The following ZSCAN5A variants were observed in gnomAD, a reference collection of about 807,000 sequenced individuals.
The protein encoded by ZSCAN5A is zinc finger and SCAN domain-containing protein 5A.
A neutral mutation model predicts 23.7 loss-of-function variants in ZSCAN5A; 12 were observed. The observed-to-expected ratio is 0.51, with a 90% CI of 0.32 to 0.82. The LOEUF (loss-of-function observed/expected upper bound fraction) is 0.82, where lower values mean the gene tolerates loss of function less well. ZSCAN5A is among the 40% of genes least tolerant of loss of function. The probability of loss-of-function intolerance (pLI) is 0.03; values close to 1 mark genes in which losing one functional copy is unlikely to be tolerated. For missense variants in ZSCAN5A, 597 were observed against 617.9 expected (o/e 0.97, Z 0.36); for synonymous variants, 257 against 239.9 (o/e 1.07, Z -0.66).
At chr19:56,328,991 TC>T (rs1377233681) in intron 2 of ZSCAN5A, among the ~76,000 whole-genome samples, 1 of 130,078 alleles carries the variant, frequency 7.7e-6, no homozygotes, top group East Asian at 2.1e-4. Flanking sequence ...CGAGACTCCG[TC>T]TCAAAAAAAA....
chr19:56,284,872 T>C (rs1007047010), intron 2 of ZSCAN5A: 1 of 263,918 alleles, frequency 3.8e-6, no homozygotes, highest in Admixed American at 6.5e-5. Context: ...GCATCATGAC[T>C]GAGGCATTAT....
chr19:56,256,091 A>G (rs1212390313), intron 2 of ZSCAN5A, among the ~76,000 whole-genome samples: 1 of 152,236 alleles, frequency 6.6e-6, no homozygotes, highest in Non-Finnish European at 1.5e-5. Flanking sequence ...ATAAAAAGAA[A>G]GAACAGTCAG....
At chr19:56,321,001 G>A (rs1351544005) in intron 2 of ZSCAN5A, 2 of 708,356 alleles carry the variant, frequency 2.8e-6, no homozygotes, top group East Asian at 5.3e-5. Context: ...CCGGTAAGTT[G>A]TCCACTTTCC....
chr19:56,231,139 G>A (rs2146488417), intron 2 of ZSCAN5A, among the ~76,000 whole-genome samples: 1 of 152,304 alleles, frequency 6.6e-6, no homozygotes, highest in Admixed American at 6.5e-5. Flanking sequence ...CTTGAGCCTG[G>A]GAGGTCAAGG....
intron 2 of ZSCAN5A, among the ~76,000 whole-genome samples, chr19:56,276,538 ATTTAT>A (rs2038278646): frequency 8.7e-6 from 1 of 115,200 alleles, no homozygotes; most frequent in South Asian, 2.7e-4. Flanking sequence ...GGTTATTTTT[ATTTAT>A]TTATTTATTT....
At chr19:56,340,744 G>A (rs372495407) in intron 2 of ZSCAN5A, 31 of 152,312 alleles carry the variant, frequency 2.0e-4, no homozygotes, top group African/African-American at 7.2e-4. Flanking sequence ...GAGATATACT[G>A]GAACTGAAGC....
intron 1 of ZSCAN5A, chr19:56,363,499 G>A (rs771919766): frequency 1.3e-5 from 2 of 152,174 alleles, no homozygotes; most frequent in African/African-American, 2.4e-5. Context: ...GAGTTTGGAG[G>A]GCTCAGAAGA....
chr19:56,239,537 A>G (rs1309020206), intron 2 of ZSCAN5A, among the ~76,000 whole-genome samples: 1 of 152,218 alleles, frequency 6.6e-6, no homozygotes, highest in African/African-American at 2.4e-5. Flanking sequence ...GAGTGAGTGC[A>G]GAGTGGGGAC....
At chr19:56,308,949 G>A (rs2040867036) in intron 2 of ZSCAN5A, among the ~76,000 whole-genome samples, 1 of 152,202 alleles carries the variant, frequency 6.6e-6, no homozygotes, top group South Asian at 2.1e-4. Flanking sequence ...AACTTTCTCT[G>A]TGAAGGGCCA....
chr19:56,324,656 A>C (rs1253828853), intron 2 of ZSCAN5A, among the ~76,000 whole-genome samples: 1 of 151,880 alleles, frequency 6.6e-6, no homozygotes, highest in Non-Finnish European at 1.5e-5. Flanking sequence ...AAAAAAAAAA[A>C]AAAGGAAGTT....
At chr19:56,316,434 G>A (rs765444311), upstream of ZSCAN5A, 1 of 152,300 alleles carries the variant, frequency 6.6e-6, no homozygotes, top group Non-Finnish European at 1.5e-5. Context: ...TGTAATTTTT[G>A]CCATTGTAGT....
chr19:56,252,832 A>T (rs1263749775), intron 2 of ZSCAN5A, among the ~76,000 whole-genome samples: 1 of 152,180 alleles, frequency 6.6e-6, no homozygotes, highest in African/African-American at 2.4e-5. Flanking sequence ...TGGCTGGAGT[A>T]TGGAGAGGCC....
intron 3 of ZSCAN5A, 127 bp downstream of exon 3, chr19:56,224,536 G>A (rs1450832029): frequency 8.4e-7 from 1 of 1,191,954 alleles, no homozygotes; most frequent in Non-Finnish European, 1.2e-6. Context: ...GTCCCCGACG[G>A]GCAAACTCTC....
chr19:56,346,988 A>G (rs1600297432), intron 2 of ZSCAN5A: 1 of 152,314 alleles, frequency 6.6e-6, no homozygotes, highest in Admixed American at 6.5e-5. Context: ...CGGCCTATCA[A>G]AGTGCTGGGA....
chr19:56,298,902 C>G (rs1234112649), intron 2 of ZSCAN5A, among the ~76,000 whole-genome samples: 1 of 152,128 alleles, frequency 6.6e-6, no homozygotes, highest in Admixed American at 6.5e-5. Context: ...AAATTTCAGG[C>G]CAATCTTCCT....
intron 2 of ZSCAN5A, among the ~76,000 whole-genome samples, chr19:56,354,921 T>G (rs1296361204): frequency 3.3e-5 from 5 of 152,236 alleles, no homozygotes; most frequent in African/African-American, 1.2e-4. Flanking sequence ...AGACAATGTT[T>G]CTGGTATTTC....
chr19:56,367,974 C>T (rs969630039), intron 1 of ZSCAN5A: 22 of 152,312 alleles, frequency 1.4e-4, no homozygotes, highest in Admixed American at 1.4e-3. Context: ...TATCATAGGC[C>T]CTTCCCCCCC....
chr19:56,257,117 C>G (rs772645376), intron 2 of ZSCAN5A, among the ~76,000 whole-genome samples: 2 of 152,152 alleles, frequency 1.3e-5, no homozygotes, highest in Admixed American at 6.5e-5. Flanking sequence ...CCTCAAAAGA[C>G]AGAGTGTGGA....
At chr19:56,275,482 G>A (rs1360348405) in intron 2 of ZSCAN5A, among the ~76,000 whole-genome samples, 4 of 152,196 alleles carry the variant, frequency 2.6e-5, no homozygotes, top group African/African-American at 9.7e-5. Context: ...TTTAATCCCA[G>A]CACTTCGGGA....
Sources: allele counts gnomAD v4.1 joint callset (sites outside exome capture counted in the v4.1 genomes callset), GRCh38; gene constraint gnomAD v4.1.1; transcripts MANE v1.5; gene names NCBI Gene and HGNC (gene_info 2026-07-23, HGNC 2026-07-21).